The following NUP153 variants were observed in gnomAD, a reference collection of about 807,000 sequenced individuals.
The protein encoded by NUP153 is nuclear pore complex protein Nup153.
In NUP153, 27 loss-of-function variants were observed where a neutral mutation model predicts 134.6. That is an observed-to-expected ratio of 0.20 (90% CI 0.15 to 0.28). The LOEUF (loss-of-function observed/expected upper bound fraction) is 0.28, where lower values mean the gene tolerates loss of function less well. Among genes scored for constraint, NUP153 ranks in the 10% least tolerant of loss-of-function variants. The pLI, the probability that NUP153 is intolerant of heterozygous loss-of-function variation, is 1.00. For missense variants in NUP153, 1,821 were observed against 1,731.3 expected (o/e 1.05, Z -0.92); for synonymous variants, 640 against 623.5 (o/e 1.03, Z -0.40).
chr6:17,691,159 AG>A (rs1769252880), intron 1 of NUP153, among the ~76,000 whole-genome samples: 1 of 152,062 alleles, frequency 6.6e-6, no homozygotes, highest in African/African-American at 2.4e-5. Context: ...AGAAAAAAAA[AG>A]GAAAGGTATA....
chr6:17,680,171 T>G lies in NUP153; in HGVS notation c.335-4401A>C, dbSNP rs756566413. Among the ~76,000 whole-genome samples the G allele has an allele frequency of 1.3e-5, 2 of 152,190 alleles. No homozygotes were observed. Among genetic ancestry groups the G allele is most frequent in the Non-Finnish European group, 2.9e-5 (2 of 68,030 alleles). Reference sequence around the variant, plus strand: ...AGCACAAGCCCTGAAATAAAAGTCCTGTCTGGGAAATCTGCTTGGGTCCGT... The same window carrying G: ...AGCACAAGCCCTGAAATAAAAGTCCGGTCTGGGAAATCTGCTTGGGTCCGT... On this transcript the variant is annotated intron_variant, in intron 2 of 21. Transcript: ENST00000262077. This position sits in a 1 kb window ranked among gnomAD's most constrained non-coding sequence, Gnocchi z 4.5.
In NUP153 at chr6:17,656,847, G is replaced by A. The variant is rs1375192744; in HGVS notation, c.1395+4806C>T. ...TCATGCCTCTTTATGGGCCACATGTGCAAATTCTGGAGTAGCTGGAATGAA... is the reference window on the plus strand; with the variant it reads ...TCATGCCTCTTTATGGGCCACATGTACAAATTCTGGAGTAGCTGGAATGAA... On this transcript the variant is annotated intron_variant, in intron 11 of 21. Coordinates refer to ENST00000262077, the MANE Select transcript of NUP153 (RefSeq NM_005124.4). Among the ~76,000 whole-genome samples, 5 of 152,294 alleles carry A rather than the reference G, an allele frequency of 3.3e-5. No individual in the cohort carries two copies. The East Asian group carries it at 9.7e-4, about 29-fold the overall frequency.
intron 20 of NUP153, among the ~76,000 whole-genome samples, chr6:17,621,304 A>C (rs1435528139): frequency 6.6e-6 from 1 of 152,220 alleles, no homozygotes; most frequent in Non-Finnish European, 1.5e-5. Context: ...GAAGTTTCTC[A>C]AAAAATCTAA....
At chr6:17,679,383 G>T (rs1420498687) in intron 2 of NUP153, among the ~76,000 whole-genome samples, 1 of 152,062 alleles carries the variant, frequency 6.6e-6, no homozygotes, top group Non-Finnish European at 1.5e-5. Flanking sequence ...AACAGAAATG[G>T]AAAAATATCC....
At chr6:17,643,192 G>C (rs1346747615) in intron 14 of NUP153, among the ~76,000 whole-genome samples, 1 of 152,160 alleles carries the variant, frequency 6.6e-6, no homozygotes, top group Non-Finnish European at 1.5e-5. Context: ...AAAAATATAG[G>C]CTGGACGCGG....
At position 17,628,619 on chromosome 6, in the gene NUP153, A is replaced by AT. The variant is rs112521393; in HGVS notation, c.3544+35_3544+36insA. On this transcript the variant is annotated intron_variant, in intron 18 of 21. Transcript: ENST00000262077. The surrounding 1 kb of genome is among the most constrained non-coding windows in gnomAD (Gnocchi z 5.4). ...GTAAAACGACAACTTGTAAAAAAAA[A>AT]AATAATAATAATAATAATAAAAAGT... The AT allele has an allele frequency of 0.053, 61,441 of 1,157,168 alleles. 2,305 individuals carry two copies. The highest frequency in any genetic ancestry group is 0.19 in the African/African-American group (11,698 of 61,532). 71.7% of individuals were successfully genotyped at this position (1,157,168 alleles called of 1,614,324 possible). A position where few individuals can be genotyped will look rare whatever the true frequency, so the allele number is the denominator to read the frequency against.
intron 1 of NUP153, among the ~76,000 whole-genome samples, chr6:17,698,870 T>TAA (rs961294100): frequency 7.1e-6 from 1 of 140,102 alleles, no homozygotes; most frequent in African/African-American, 2.6e-5. Context: ...GACACTGTCT[T>TAA]AAAAAAAAAA....
chr6:17,632,875 G>A (rs1396417520), intron 16 of NUP153, 31 bp from the exon 17 acceptor site: 2 of 1,469,210 alleles, frequency 1.4e-6, no homozygotes, highest in Admixed American at 2.3e-5. Context: ...GGGGAGTGGG[G>A]GGAGATTTCA....
At chr6:17,635,331 A>T (rs976168099) in intron 16 of NUP153, among the ~76,000 whole-genome samples, 20 of 151,864 alleles carry the variant, frequency 1.3e-4, no homozygotes, top group Non-Finnish European at 2.9e-5. Flanking sequence ...GGATGGTCTC[A>T]ATCTCCTGAC....
At chr6:17,673,137 C>A (rs537369914) in intron 5 of NUP153, among the ~76,000 whole-genome samples, 2 of 152,084 alleles carry the variant, frequency 1.3e-5, no homozygotes, top group African/African-American at 2.4e-5. Context: ...GGGAGGCCAA[C>A]GCGGGTGAAT....
intron 9 of NUP153, among the ~76,000 whole-genome samples, chr6:17,662,972 G>C (rs1483198144): frequency 1.3e-5 from 2 of 152,042 alleles, no homozygotes; most frequent in African/African-American, 4.8e-5. Context: ...GAGATGAAGA[G>C]ACATGACAAC....
intron 2 of NUP153, among the ~76,000 whole-genome samples, chr6:17,685,038 G>A (rs532445008): frequency 2.2e-4 from 34 of 152,302 alleles, no homozygotes; most frequent in South Asian, 1.9e-3. Context: ...ACATGTTAGC[G>A]TGTGCTGGTG....
intron 1 of NUP153, among the ~76,000 whole-genome samples, chr6:17,689,150 C>T (rs1581768228): frequency 6.6e-6 from 1 of 152,138 alleles, no homozygotes; most frequent in East Asian, 1.9e-4. Context: ...CTTTGGGGGA[C>T]TGAGGTGGGC....
intron 16 of NUP153, among the ~76,000 whole-genome samples, chr6:17,634,416 G>C (rs1765414084): frequency 1.3e-5 from 2 of 151,534 alleles, no homozygotes; most frequent in African/African-American, 2.4e-5. Flanking sequence ...TCCACCCAAA[G>C]GGTGTATCCA....
intron 11 of NUP153, among the ~76,000 whole-genome samples, chr6:17,660,024 G>T (rs12192333): frequency 0.069 from 10,502 of 152,094 alleles, 744 homozygotes; most frequent in East Asian, 0.29. Context: ...TAATCCCAAA[G>T]CTCATTACAA....
rs1037375559 is a variant in NUP153, at chr6:17,638,577, T to A, written c.1847-807A>T. Among the ~76,000 whole-genome samples the A allele has an allele frequency of 1.3e-5, 2 of 152,242 alleles. No homozygotes were observed. The highest frequency in any genetic ancestry group is 2.9e-5 in the Non-Finnish European group (2 of 68,046). On this transcript the variant is annotated intron_variant, in intron 15 of 21. Coordinates refer to ENST00000262077, the MANE Select transcript of NUP153 (RefSeq NM_005124.4). This position sits in a 1 kb window ranked among gnomAD's most constrained non-coding sequence, Gnocchi z 4.0. ...CGTGTTATTTTGCTTATGATTAATT[T>A]AAATCACTAAGATTGGCAAGATATT...
intron 11 of NUP153, among the ~76,000 whole-genome samples, chr6:17,656,928 G>A (rs942745423): frequency 1.3e-5 from 2 of 152,134 alleles, no homozygotes; most frequent in Non-Finnish European, 2.9e-5. Context: ...ACTCTAGTTG[G>A]TCATATTAGT....
chr6:17,700,588 T>G (rs1769988851), intron 1 of NUP153, among the ~76,000 whole-genome samples: 1 of 152,100 alleles, frequency 6.6e-6, no homozygotes, highest in South Asian at 2.1e-4. Context: ...CCTCTAAATA[T>G]CCCTCCTTTT....
intron 14 of NUP153, among the ~76,000 whole-genome samples, chr6:17,645,608 T>C (rs1301222415): frequency 6.6e-6 from 1 of 152,038 alleles, no homozygotes; most frequent in Non-Finnish European, 1.5e-5. Flanking sequence ...CTTCCTTCAA[T>C]GATGCTGATT....
Sources: allele counts gnomAD v4.1 joint callset (sites outside exome capture counted in the v4.1 genomes callset), GRCh38; gene constraint gnomAD v4.1.1; non-coding constraint Gnocchi (gnomAD v3.1); transcripts MANE v1.5; gene names NCBI Gene and HGNC (gene_info 2026-07-23, HGNC 2026-07-21).